The following FAM83B variants were observed in gnomAD, a reference collection of about 807,000 sequenced individuals.
FAM83B encodes protein FAM83B.
FAM83B carries 26 observed loss-of-function variants against 38.8 expected under a neutral mutation model. That is an observed-to-expected ratio of 0.67 (90% CI 0.49 to 0.93). The LOEUF is 0.93. Ranked by LOEUF, FAM83B falls within the 40% of genes least tolerant of loss-of-function variation. FAM83B has a pLI of 0.00. For synonymous variants in FAM83B, 419 were observed against 423.1 expected, an observed-to-expected ratio of 0.99 and a Z score of 0.12; for missense variants, 1,237 against 1,197.3, an observed-to-expected ratio of 1.03 and a Z score of -0.49.
At chr6:54,866,293 A>G (rs922336440) in intron 1 of FAM83B, among the ~76,000 whole-genome samples, 6 of 151,956 alleles carry the variant, frequency 3.9e-5, no homozygotes, top group African/African-American at 4.8e-5. Flanking sequence ...GTGGTTTCAC[A>G]TATAGTTAAG....
intron 2 of FAM83B, among the ~76,000 whole-genome samples, chr6:54,895,841 A>C (rs919473076): frequency 6.6e-6 from 1 of 151,830 alleles, no homozygotes; most frequent in Non-Finnish European, 1.5e-5. Context: ...CCCAGGTTCA[A>C]GTGATTCTCC....
intron 1 of FAM83B, among the ~76,000 whole-genome samples, chr6:54,852,764 C>T (rs1191310327): frequency 6.6e-6 from 1 of 152,174 alleles, no homozygotes. Flanking sequence ...CCAGTAAACA[C>T]ACACATCATG....
At chr6:54,920,991 G>A (rs1278275708) in intron 2 of FAM83B, among the ~76,000 whole-genome samples, 1 of 151,898 alleles carries the variant, frequency 6.6e-6, no homozygotes, top group Admixed American at 6.6e-5. Flanking sequence ...TTGCTTGTGA[G>A]CATAATGATC....
chr6:54,927,382 AGT>A, intron 3 of FAM83B, 124 bp from the exon 4 acceptor site: 1 of 609,068 alleles, frequency 1.6e-6, no homozygotes, highest in Middle Eastern at 5.2e-4. Flanking sequence ...AATATTTGGG[AGT>A]TTTTTTTTTA....
intron 2 of FAM83B, among the ~76,000 whole-genome samples, chr6:54,893,572 C>G (rs1249184468): frequency 6.6e-6 from 1 of 152,016 alleles, no homozygotes; most frequent in East Asian, 1.9e-4. Context: ...TCATCTTAAG[C>G]TTCACATTTC....
chr6:54,855,777 C>T (rs1414861291), intron 1 of FAM83B, among the ~76,000 whole-genome samples: 1 of 152,096 alleles, frequency 6.6e-6, no homozygotes, highest in African/African-American at 2.4e-5. Context: ...GGCAGGAGCC[C>T]TTGAAATCCT....
chr6:54,877,771 G>A (rs138779413), intron 2 of FAM83B, among the ~76,000 whole-genome samples: 9 of 152,274 alleles, frequency 5.9e-5, no homozygotes, highest in Non-Finnish European at 1.2e-4. Flanking sequence ...CTGCGTTCAC[G>A]TGGTAGGTTG....
chr6:54,879,904 A>G (rs1295043741), intron 2 of FAM83B, among the ~76,000 whole-genome samples: 1 of 152,214 alleles, frequency 6.6e-6, no homozygotes, highest in Non-Finnish European at 1.5e-5. Flanking sequence ...TGTCTTTTCA[A>G]GGGGAAAATA....
intron 1 of FAM83B, among the ~76,000 whole-genome samples, chr6:54,848,588 A>G (rs1437936089): frequency 6.6e-6 from 1 of 152,138 alleles, no homozygotes; most frequent in Non-Finnish European, 1.5e-5. Flanking sequence ...TAATCTTTCT[A>G]TTTTATTTCC....
At chr6:54,923,976 TATTA>T (rs1773227412) in intron 2 of FAM83B, among the ~76,000 whole-genome samples, 1 of 151,708 alleles carries the variant, frequency 6.6e-6, no homozygotes, top group Non-Finnish European at 1.5e-5. Flanking sequence ...TCTCTTGCAC[TATTA>T]ATTTTACTCT....
intron 3 of FAM83B, 22 bp downstream of exon 3, chr6:54,926,557 T>C (rs758038253): frequency 9.3e-6 from 14 of 1,504,948 alleles, no homozygotes; most frequent in South Asian, 5.4e-5. Flanking sequence ...GTTTTTTTTT[T>C]CCTCAAGTAT....
chr6:54,882,263 A>G (rs970239368), intron 2 of FAM83B, among the ~76,000 whole-genome samples: 2 of 152,186 alleles, frequency 1.3e-5, no homozygotes, highest in African/African-American at 2.4e-5. Flanking sequence ...TCTAGTGGGT[A>G]GGAGAAATAC....
intron 2 of FAM83B, among the ~76,000 whole-genome samples, chr6:54,925,893 T>C (rs1191359917): frequency 6.6e-6 from 1 of 152,152 alleles, no homozygotes; most frequent in Non-Finnish European, 1.5e-5. Flanking sequence ...ATACTCTTTC[T>C]CCATCTTTCA....
At chr6:54,939,509 T>C (rs1468814862) in intron 4 of FAM83B, among the ~76,000 whole-genome samples, 197 bp from the exon 5 acceptor site, 1 of 152,144 alleles carries the variant, frequency 6.6e-6, no homozygotes, top group African/African-American at 2.4e-5. Flanking sequence ...AAGCCAAAAT[T>C]TGAGTTGCGT....
chr6:54,928,784 A>T (rs1415243834), intron 4 of FAM83B, among the ~76,000 whole-genome samples: 1 of 152,124 alleles, frequency 6.6e-6, no homozygotes, highest in Non-Finnish European at 1.5e-5. Context: ...CATCATAATT[A>T]ATAGTTTCTA....
At chr6:54,883,421 G>A (rs11969918) in intron 2 of FAM83B, among the ~76,000 whole-genome samples, 46,759 of 142,764 alleles carry the variant, frequency 0.33, 9,048 homozygotes, top group Non-Finnish European at 0.44. Context: ...CGCAACCTCC[G>A]CCTCCCAGGT....
intron 4 of FAM83B, among the ~76,000 whole-genome samples, chr6:54,932,118 C>G (rs1384881447): frequency 6.8e-6 from 1 of 146,704 alleles, no homozygotes; most frequent in Non-Finnish European, 1.5e-5. Flanking sequence ...TCAAGCAATT[C>G]CCTTGCCTCA....
At chr6:54,883,808 C>T (rs1401764157) in intron 2 of FAM83B, among the ~76,000 whole-genome samples, 1 of 149,290 alleles carries the variant, frequency 6.7e-6, no homozygotes, top group Non-Finnish European at 1.5e-5. Flanking sequence ...TATAGAAATT[C>T]TTAATCTCAG....
chr6:54,884,171 G>A (rs1772208516), intron 2 of FAM83B, among the ~76,000 whole-genome samples: 1 of 151,764 alleles, frequency 6.6e-6, no homozygotes, highest in South Asian at 2.1e-4. Flanking sequence ...GCATGGTGGT[G>A]TGCGCCTGCA....
Sources: allele counts gnomAD v4.1 joint callset (sites outside exome capture counted in the v4.1 genomes callset), GRCh38; gene constraint gnomAD v4.1.1; transcripts MANE v1.5; gene names NCBI Gene and HGNC (gene_info 2026-07-23, HGNC 2026-07-21).